ASTN2: variants seen among roughly 807,000 people sequenced by gnomAD.
ASTN2 encodes the protein astrotactin 2.
Under a neutral mutation model 139.8 loss-of-function variants are expected in ASTN2, and 54 were observed. The observed-to-expected ratio is 0.39, with a 90% confidence interval of 0.31 to 0.48. The LOEUF is 0.48. Among genes scored for constraint, ASTN2 ranks in the 20% least tolerant of loss-of-function variants. ASTN2 has a pLI of 0.95. For synonymous variants in ASTN2, 756 were observed against 719.5 expected, an observed-to-expected ratio of 1.05 and a Z score of -0.81; for missense variants, 1,565 against 1,725.1, an observed-to-expected ratio of 0.91 and a Z score of 1.64.
chr9:116,948,090 T>C (rs932287378), intron 10 of ASTN2, among the ~76,000 whole-genome samples: 1 of 152,238 alleles, frequency 6.6e-6, no homozygotes, highest in Non-Finnish European at 1.5e-5. Flanking sequence ...TAAGTCATGA[T>C]TCTTTGATAG....
rs1848584881 is a variant in ASTN2 at position 116,464,282 on chromosome 9, T to C, written c.3498-21729A>G. On this transcript the variant is annotated intron_variant, in intron 20 of 22. Transcript: ENST00000313400. The stretch of plus-strand genomic sequence containing the variant: ...GATGGGTAAGTGTGGCACCCATGTA[T>C]GTGAAGTGGCAATGCAGCACAGAGT... Among the ~76,000 whole-genome samples the C allele has an allele frequency of 2.6e-5, 4 of 152,244 alleles. No homozygotes were observed. In the South Asian group the frequency reaches 8.3e-4, roughly 32 times the overall value.
chr9:116,918,799 G>A (rs1220625694), intron 10 of ASTN2, among the ~76,000 whole-genome samples: 1 of 152,118 alleles, frequency 6.6e-6, no homozygotes, highest in South Asian at 2.1e-4. Context: ...TATGATTACA[G>A]TCTTATAAAC....
chr9:116,656,956 G>A (rs1341691125), intron 16 of ASTN2, among the ~76,000 whole-genome samples: 1 of 152,170 alleles, frequency 6.6e-6, no homozygotes, highest in Non-Finnish European at 1.5e-5. Context: ...GGACCAGAGG[G>A]GCTCAAATTA....
chr9:116,518,600 T>TA (rs1564337581), intron 19 of ASTN2, among the ~76,000 whole-genome samples: 1 of 151,498 alleles, frequency 6.6e-6, no homozygotes, highest in African/African-American at 2.4e-5. Flanking sequence ...ATAACACAAT[T>TA]AAAAAAAGAA....
At chr9:116,687,151 G>A (rs1243433073) in intron 16 of ASTN2, 5 of 1,075,016 alleles carry the variant, frequency 4.7e-6, no homozygotes, top group Non-Finnish European at 5.7e-6. Flanking sequence ...ATTACGTGTC[G>A]CTAAGGCCCC....
At chr9:117,089,535 A>T (rs937387661) in intron 5 of ASTN2, among the ~76,000 whole-genome samples, 2 of 150,466 alleles carry the variant, frequency 1.3e-5, no homozygotes, top group Non-Finnish European at 3.0e-5. Flanking sequence ...ATTCTTTATT[A>T]TTTTTTTTCA....
At chr9:117,376,356 C>T (rs1213192795) in intron 1 of ASTN2, among the ~76,000 whole-genome samples, 4 of 152,094 alleles carry the variant, frequency 2.6e-5, no homozygotes, top group Non-Finnish European at 5.9e-5. Context: ...CATAGTATGT[C>T]GCCTCCAGGA....
At chr9:116,989,941 C>T (rs760637770) in intron 7 of ASTN2, among the ~76,000 whole-genome samples, 8 of 152,116 alleles carry the variant, frequency 5.3e-5, no homozygotes, top group Non-Finnish European at 1.2e-4. Context: ...GTCACAGCCT[C>T]GGTTTCTCTC....
chr9:117,291,228 T>C, intron 2 of ASTN2, 98 bp downstream of exon 2: 4 of 1,459,258 alleles, frequency 2.7e-6, no homozygotes, highest in Non-Finnish European at 2.8e-6. Context: ...GTTTGGTTCT[T>C]TCCTTCCATC....
intron 1 of ASTN2, among the ~76,000 whole-genome samples, chr9:117,321,443 G>A (rs10759917): frequency 0.3 from 45,533 of 152,100 alleles, 7,846 homozygotes; most frequent in East Asian, 0.48. Flanking sequence ...CCAAAGCTGT[G>A]TGCCCCACTC....
intron 1 of ASTN2, among the ~76,000 whole-genome samples, chr9:117,361,394 T>C (rs1829689512): frequency 6.6e-6 from 1 of 151,160 alleles, no homozygotes; most frequent in Non-Finnish European, 1.5e-5. Context: ...TCCACCCTCA[T>C]TAAATTCTGT....
At chr9:116,829,977 T>G (rs1325095430) in intron 11 of ASTN2, among the ~76,000 whole-genome samples, 5 of 152,206 alleles carry the variant, frequency 3.3e-5, no homozygotes, top group Non-Finnish European at 7.3e-5. Flanking sequence ...AATTTGTGAC[T>G]AAGTCCTCAG....
chr9:117,180,632 T>TC lies in ASTN2; in HGVS notation c.1015+33725_1015+33726insG, dbSNP rs1414297773. 6.3e-5 allele frequency: 81 copies of TC among 1,279,994 alleles called. No homozygotes were observed. In the East Asian group the frequency reaches 2.0e-3, roughly 32 times the overall value. 79.3% of individuals were successfully genotyped at this position (1,279,994 alleles called of 1,614,324 possible). A position where few individuals can be genotyped will look rare whatever the true frequency, so the allele number is the denominator to read the frequency against. On this transcript the variant is annotated intron_variant, in intron 3 of 22. Transcript: ENST00000313400. The stretch of plus-strand genomic sequence containing the variant: ...AAACAACTGATCTGGAGTATCTTTT[T>TC]TTTTTTTTTTTTGGACAGGAAGTAG...
At chr9:116,607,298 A>G (rs1855256230) in intron 19 of ASTN2, among the ~76,000 whole-genome samples, 1 of 152,168 alleles carries the variant, frequency 6.6e-6, no homozygotes, top group Non-Finnish European at 1.5e-5. Flanking sequence ...CCAACATATA[A>G]GGATACAAGA....
intron 1 of ASTN2, among the ~76,000 whole-genome samples, chr9:117,306,316 G>A (rs1480713443): frequency 1.3e-5 from 2 of 152,156 alleles, no homozygotes; most frequent in South Asian, 2.1e-4. Context: ...TTCTCATTTA[G>A]AGTCAAGAAA....
chr9:116,726,205 A>C (rs1205015996), intron 15 of ASTN2, among the ~76,000 whole-genome samples: 1 of 152,182 alleles, frequency 6.6e-6, no homozygotes, highest in Non-Finnish European at 1.5e-5. Flanking sequence ...AAACTCAGCA[A>C]CGTAGACCAT....
chr9:116,543,038 A>G (rs1211023244), intron 19 of ASTN2, among the ~76,000 whole-genome samples: 3 of 152,016 alleles, frequency 2.0e-5, no homozygotes, highest in Non-Finnish European at 4.4e-5. Flanking sequence ...ATATTTTTGG[A>G]ACTCTCTTTT....
Position 116,975,345 on chromosome 9 carries a change from C to T in ASTN2, c.1752G>A (p.Arg584=). Reference sequence around the variant, plus strand: ...GGCCTTGGCCCAAGCTGAAAGTAGACCTGCAATGTAAGAGTTTCCATTGGG... The same window carrying T: ...GGCCTTGGCCCAAGCTGAAAGTAGATCTGCAATGTAAGAGTTTCCATTGGG... ...TGEQAPEKIL[R]STFSLGQGLW... Residue 584 remains arginine (R), a splice_region_variant and synonymous_variant, in exon 10 of 23, where the codon AGG becomes AGA. Coordinates refer to ENST00000313400, the MANE Select transcript of ASTN2 (RefSeq NM_001365068.1). 4 of 1,603,694 alleles carry T rather than the reference C, an allele frequency of 2.5e-6. No individual in the cohort carries two copies. Among genetic ancestry groups the T allele is most frequent in the Non-Finnish European group, 3.4e-6 (4 of 1,175,456 alleles).
intron 20 of ASTN2, among the ~76,000 whole-genome samples, chr9:116,469,038 C>T (rs748042764): frequency 5.9e-5 from 9 of 152,270 alleles, no homozygotes; most frequent in South Asian, 2.1e-4. Context: ...GGCATTCTCT[C>T]GTCTGAACTC....
Sources: gnomAD v4.1 joint callset for allele counts (sites outside exome capture counted in the v4.1 genomes callset) on GRCh38, gnomAD v4.1.1 for gene constraint, MANE v1.5 for transcripts, NCBI Gene and HGNC (gene_info 2026-07-23, HGNC 2026-07-21) for gene names.